Variants in PARD3 observed in about 807,000 individuals in gnomAD.
The protein encoded by PARD3 is par-3 family cell polarity regulator, also known as partitioning defective 3 homolog.
A neutral mutation model predicts 155.4 loss-of-function variants in PARD3; 75 were observed. The observed-to-expected ratio is 0.48, with a 90% CI of 0.40 to 0.58. The LOEUF (loss-of-function observed/expected upper bound fraction) is 0.58. Among genes scored for constraint, PARD3 ranks in the 20% least tolerant of loss-of-function variants. The pLI, the probability that PARD3 is intolerant of heterozygous loss-of-function variation, is 0.00. For missense variants in PARD3, 1,642 were observed against 1,721.7 expected (o/e 0.95, Z 0.82); for synonymous variants, 576 against 610.5 (o/e 0.94, Z 0.83).
rs553832509 is a variant in PARD3 at position 34,761,953 on chromosome 10, T to A, written c.120+52923A>T. Among the ~76,000 whole-genome samples, 20 of 152,164 alleles carry A rather than the reference T, an allele frequency of 1.3e-4. No individual in the cohort carries two copies. The South Asian group carries it at 3.9e-3, about 30-fold the overall frequency. On this transcript the variant is annotated intron_variant, in intron 1 of 24. Coordinates refer to ENST00000374788, the MANE Select transcript of PARD3 (RefSeq NM_001184785.2). ...AGATATAAATACAAATACATATATA[T>A]AAAATATAAATACAGGTATACGTGA...
chr10:34,309,548 C>CAAAAAAAAAAAAAAAAAAAAAAAA (rs1173904388), intron 20 of PARD3, among the ~76,000 whole-genome samples: 6 of 64,030 alleles, frequency 9.4e-5, no homozygotes, highest in East Asian at 7.7e-4. Context: ...ACCCTGTCTC[C>CAAAAAAAAAAAAAAAAAAAAAAAA]AAAAAAAAAA....
Position 34,429,447 on chromosome 10 carries a change from T to C in PARD3, c.714+20870A>G, listed in dbSNP as rs7078437. The stretch of plus-strand genomic sequence containing the variant: ...TCTCACTGTGTCACCCAGGCTGGAG[T>C]ACAAGTGGCATGATAATAGGTTACT... On this transcript the variant is annotated intron_variant, in intron 5 of 24. Transcript: ENST00000374788. Among the ~76,000 whole-genome samples, 449 of 151,410 alleles carry C rather than the reference T, an allele frequency of 3.0e-3. 1 individual carries two copies. Among genetic ancestry groups the C allele is most frequent in the African/African-American group, 0.01 (423 of 41,210 alleles).
chr10:34,227,881 T>TATATATATATATATATATATATATATAC lies in PARD3; in HGVS notation c.3419+41775_3419+41776insGTATATATATATATATATATATATATAT, dbSNP rs1199483392. ...TTATATATATATATATATATATATATATACTGGGAATATATATGTATATAT... is the reference window on the plus strand; with the variant it reads ...TTATATATATATATATATATATATATATATATATATATATATATATATATATACATACTGGGAATATATATGTATATAT... On this transcript the variant is annotated intron_variant, in intron 22 of 24. Coordinates refer to ENST00000374788, the MANE Select transcript of PARD3 (RefSeq NM_001184785.2). Among the ~76,000 whole-genome samples, 91 of 133,668 alleles carry TATATATATATATATATATATATATATAC rather than the reference T, an allele frequency of 6.8e-4. 3 individuals carry two copies. The highest frequency in any genetic ancestry group is 2.3e-3 in the African/African-American group (80 of 34,176). The allele number at this position is 133,668 out of a possible 152,430, so 87.7% of individuals were successfully genotyped here.
At chr10:34,542,236 T>TGTGTGCACAC (rs747828769) in intron 2 of PARD3, among the ~76,000 whole-genome samples, 3 of 145,514 alleles carry the variant, frequency 2.1e-5, no homozygotes, top group Non-Finnish European at 4.5e-5. Flanking sequence ...TGTGTGTGTG[T>TGTGTGCACAC]GTGCACACAC....
At chr10:34,718,149 CAAAAAAAA>C (rs71033340) in intron 1 of PARD3, among the ~76,000 whole-genome samples, 2 of 82,758 alleles carry the variant, frequency 2.4e-5, no homozygotes, top group African/African-American at 8.7e-5. Flanking sequence ...GACTCCATCT[CAAAAAAAA>C]AAAAAAAAAA....
chr10:34,809,941 A>G (rs1169958360), intron 1 of PARD3, among the ~76,000 whole-genome samples: 1 of 152,218 alleles, frequency 6.6e-6, no homozygotes, highest in East Asian at 1.9e-4. Context: ...TTGTAAATGA[A>G]TAACATGCAG....
chr10:34,401,742 A>AT (rs1431792779), intron 6 of PARD3, 84 bp downstream of exon 6: 2 of 878,364 alleles, frequency 2.3e-6, no homozygotes, highest in Non-Finnish European at 3.9e-6. Context: ...AACATTCCTC[A>AT]TGCCATATGC....
chr10:34,800,229 T>A (rs1224232029), intron 1 of PARD3, among the ~76,000 whole-genome samples: 1 of 152,118 alleles, frequency 6.6e-6, no homozygotes, highest in Non-Finnish European at 1.5e-5. Context: ...CTCCATGAGA[T>A]TAACATATAC....
chr10:34,136,886 T>C (rs1947927555), intron 22 of PARD3, among the ~76,000 whole-genome samples: 1 of 152,200 alleles, frequency 6.6e-6, no homozygotes, highest in Non-Finnish European at 1.5e-5. Context: ...AGAATCGGCA[T>C]GTGTATGGGC....
At chr10:34,390,585 C>T (rs1842789441) in intron 7 of PARD3, among the ~76,000 whole-genome samples, 1 of 152,114 alleles carries the variant, frequency 6.6e-6, no homozygotes, top group African/African-American at 2.4e-5. Context: ...TTGCCCAAGG[C>T]CACACTACGT....
chr10:34,248,988 T>A (rs1166748089), intron 22 of PARD3, among the ~76,000 whole-genome samples: 1 of 152,208 alleles, frequency 6.6e-6, no homozygotes, highest in Admixed American at 6.5e-5. Flanking sequence ...GTTCTTTTAA[T>A]TCTCCATCAG....
At chr10:34,355,917 T>C (rs1589285156) in intron 14 of PARD3, among the ~76,000 whole-genome samples, 1 of 81,998 alleles carries the variant, frequency 1.2e-5, no homozygotes, top group African/African-American at 4.7e-5. Context: ...AGAGTGACAC[T>C]CCGTCTCAAA....
chr10:34,440,764 AC>A (rs949299781), intron 5 of PARD3, among the ~76,000 whole-genome samples: 2 of 151,946 alleles, frequency 1.3e-5, no homozygotes, highest in African/African-American at 4.8e-5. Flanking sequence ...TCAACTGCAC[AC>A]CCCAGGTCCA....
At chr10:34,373,724 T>C (rs1443794965) in intron 11 of PARD3, among the ~76,000 whole-genome samples, 2 of 152,042 alleles carry the variant, frequency 1.3e-5, no homozygotes, top group Admixed American at 6.6e-5. Context: ...AAAACAAAAG[T>C]GTTCACTTTT....
chr10:34,707,665 G>A (rs1256837084), intron 1 of PARD3, among the ~76,000 whole-genome samples: 1 of 152,172 alleles, frequency 6.6e-6, no homozygotes, highest in Non-Finnish European at 1.5e-5. Context: ...TCAAACAGAT[G>A]TTAGCTATTA....
chr10:34,472,286 C>T (rs1234007050), intron 3 of PARD3, among the ~76,000 whole-genome samples: 42 of 152,046 alleles, frequency 2.8e-4, no homozygotes, highest in Admixed American at 2.8e-3. Flanking sequence ...TCATGACAAC[C>T]TTTGCTGCTT....
At chr10:34,349,077 A>G (rs2384215) in intron 14 of PARD3, among the ~76,000 whole-genome samples, 150,919 of 152,268 alleles carry the variant, frequency 0.99, 74,797 homozygotes, top group East Asian at 1. Flanking sequence ...TGATGCTTTG[A>G]TGTTAGACAG....
At chr10:34,132,995 G>A (rs1189856521) in intron 22 of PARD3, among the ~76,000 whole-genome samples, 1 of 152,086 alleles carries the variant, frequency 6.6e-6, no homozygotes, top group Non-Finnish European at 1.5e-5. Context: ...CCAAACTCCA[G>A]GGGAAGATCA....
chr10:34,510,948 T>C (rs748755464), intron 3 of PARD3, among the ~76,000 whole-genome samples: 1 of 152,248 alleles, frequency 6.6e-6, no homozygotes, highest in Non-Finnish European at 1.5e-5. Flanking sequence ...GTTTTATTCA[T>C]CAGCATACAA....
Sources: allele counts gnomAD v4.1 joint callset (sites outside exome capture counted in the v4.1 genomes callset), GRCh38; gene constraint gnomAD v4.1.1; transcripts MANE v1.5; gene names NCBI Gene and HGNC (gene_info 2026-07-23, HGNC 2026-07-21).